The following ZFHX3 variants were observed in gnomAD, a reference collection of about 807,000 sequenced individuals.
The protein encoded by ZFHX3 is zinc finger homeobox protein 3.
In ZFHX3, 42 loss-of-function variants were observed where a neutral mutation model predicts 279.1. The observed-to-expected ratio is 0.15, with a 90% CI of 0.12 to 0.19. The LOEUF (loss-of-function observed/expected upper bound fraction) is 0.19. Ranked by LOEUF, ZFHX3 falls within the 10% of genes least tolerant of loss-of-function variation. The probability of loss-of-function intolerance (pLI) is 1.00; values close to 1 mark genes in which losing one functional copy is unlikely to be tolerated. For synonymous variants in ZFHX3, 2,293 were observed against 1,957.8 expected (o/e 1.17, Z -4.52); for missense variants, 4,981 against 4,754.0 (o/e 1.05, Z -1.40).
intron 5 of ZFHX3, among the ~76,000 whole-genome samples, chr16:73,155,979 T>C (rs1967071615): frequency 6.6e-6 from 1 of 152,082 alleles, no homozygotes; most frequent in Admixed American, 6.5e-5. Context: ...ACGCCTGTAA[T>C]CTCAGCACTT....
chr16:73,870,446 G>A (rs1567435595), intron 1 of ZFHX3, among the ~76,000 whole-genome samples: 1 of 152,268 alleles, frequency 6.6e-6, no homozygotes, highest in East Asian at 1.9e-4. Context: ...CCAAAACGAG[G>A]GCGGAAGGAG....
chr16:73,597,014 T>C (rs761284177), intron 2 of ZFHX3, among the ~76,000 whole-genome samples: 40 of 152,326 alleles, frequency 2.6e-4, no homozygotes, highest in Admixed American at 6.5e-4. Flanking sequence ...GTGTCCACAG[T>C]CTGTTCCACC....
intron 2 of ZFHX3, among the ~76,000 whole-genome samples, chr16:73,602,237 C>A (rs2052126398): frequency 6.6e-6 from 1 of 152,144 alleles, no homozygotes; most frequent in Non-Finnish European, 1.5e-5. Context: ...TGGGTTTTTT[C>A]TAAAATATTT....
chr16:73,250,759 C>T (rs2013462781), intron 5 of ZFHX3, among the ~76,000 whole-genome samples: 1 of 152,164 alleles, frequency 6.6e-6, no homozygotes, highest in Non-Finnish European at 1.5e-5. Context: ...TGGTCTCCAT[C>T]TCCTGACCTC....
chr16:73,493,224 A>G lies in ZFHX3; in HGVS notation c.-1546-36966T>C, dbSNP rs1315881120. ...ACTATGCATCACTTTCTTGCCATGA[A>G]CCTATCTGGTTCCCCTTTATCAGTA... is the stretch of plus-strand genomic sequence containing the variant. On this transcript the variant is annotated intron_variant, in intron 2 of 17. Coordinates refer to the ZFHX3 transcript ENST00000641206. 2.0e-5 allele frequency among the ~76,000 whole-genome samples: 3 copies of G among 152,214 alleles called. No individual in the cohort carries two copies. The South Asian group carries it at 6.2e-4, about 32-fold the overall frequency.
At chr16:73,443,683 G>C (rs1203365914) in intron 3 of ZFHX3, among the ~76,000 whole-genome samples, 2 of 151,870 alleles carry the variant, frequency 1.3e-5, no homozygotes, top group Non-Finnish European at 2.9e-5. Flanking sequence ...TCTCTCTATG[G>C]ATATGGAGAA....
chr16:72,885,837 A>G lies in ZFHX3; in HGVS notation c.3448+3894T>C, dbSNP rs1484708310. ...ACTTCCAACTCTAGACAGCACAGCC[A>G]TGGATGGGGAGCTTCTGGTCAGAGT... On this transcript the variant is annotated intron_variant, in intron 4 of 9. Coordinates refer to ENST00000268489, the MANE Select transcript of ZFHX3 (RefSeq NM_006885.4). 2.0e-5 allele frequency among the ~76,000 whole-genome samples: 3 copies of G among 152,348 alleles called. No individual in the cohort carries two copies. The East Asian group carries it at 5.8e-4, about 29-fold the overall frequency.
intron 1 of ZFHX3, among the ~76,000 whole-genome samples, chr16:73,846,713 G>A (rs1376455939): frequency 6.6e-6 from 1 of 152,046 alleles, no homozygotes. Flanking sequence ...TGGAAGCTCA[G>A]GCCTCTCATT....
At chr16:73,090,323 G>T (rs1966057451) in intron 8 of ZFHX3, among the ~76,000 whole-genome samples, 1 of 152,204 alleles carries the variant, frequency 6.6e-6, no homozygotes, top group Non-Finnish European at 1.5e-5. Context: ...AGCCTGGGAG[G>T]CGGAGGTTGC....
intron 4 of ZFHX3, among the ~76,000 whole-genome samples, chr16:73,290,903 A>C (rs964360380): frequency 1.6e-4 from 25 of 152,220 alleles, no homozygotes; most frequent in Admixed American, 1.6e-3. Flanking sequence ...TTTGGGAGCA[A>C]ATGGGAAATG....
At chr16:72,969,790 T>C (rs116710000) in intron 1 of ZFHX3, among the ~76,000 whole-genome samples, 1,779 of 152,306 alleles carry the variant, frequency 0.012, 28 homozygotes, top group African/African-American at 0.04. Context: ...ATAACAGTGT[T>C]TGTCTACTGC....
In ZFHX3 at chr16:73,784,810, T is replaced by TACAC. The variant is rs1329672942; in HGVS notation, c.-1607-104571_-1607-104570insGTGT. On this transcript the variant is annotated intron_variant, in intron 1 of 17. Transcript: ENST00000641206. ...ATAAAAAAAAAAATATATATATATATATATATACACACACACACACACACA... is the reference window on the plus strand; with the variant it reads ...ATAAAAAAAAAAATATATATATATATACACATATATACACACACACACACACACA... 4.3e-3 allele frequency among the ~76,000 whole-genome samples: 596 copies of TACAC among 137,820 alleles called. 4 individuals are homozygous for TACAC. The highest frequency in any genetic ancestry group is 0.016 in the African/African-American group (574 of 36,734). The allele number at this position is 137,820 out of a possible 152,430, so 90.4% of individuals were successfully genotyped here. A position where few individuals can be genotyped will look rare whatever the true frequency, so the allele number is the denominator to read the frequency against.
Position 72,950,701 on chromosome 16 carries a change from A to G in ZFHX3, c.2984T>C (p.Leu995Pro). ...GCAGTGCAGCTGGAAGTTGGCCTTG[A>G]GCTGGGTGTTGTAGCGGCAGAGCTT... ...QCKLCRYNTQLKANFQLHCKT... is the reference protein window; with the variant it reads ...QCKLCRYNTQPKANFQLHCKT... The change falls in exon 3 of 10, where the codon CTC becomes CCC. Residue 995 changes from leucine (L) to proline (P), a missense_variant. Physicochemically the swap from Leu to Pro is moderately conservative, Grantham distance 98 (BLOSUM62 -3). Around this residue, in one of 7 missense-constraint regions of ZFHX3, gnomAD observed 1,751 missense variants for 1,770.0 expected, o/e 0.99. Transcript: ENST00000268489. The G allele has an allele frequency of 6.2e-7, 1 of 1,614,158 alleles. No individual in the cohort carries two copies. Among genetic ancestry groups the G allele is most frequent in the Non-Finnish European group, 8.5e-7 (1 of 1,180,036 alleles).
chr16:73,364,327 T>C (rs1411446581), intron 3 of ZFHX3, among the ~76,000 whole-genome samples: 2 of 150,308 alleles, frequency 1.3e-5, no homozygotes, highest in Admixed American at 6.6e-5. Context: ...ATTTACATTT[T>C]ATAATAAATT....
intron 3 of ZFHX3, among the ~76,000 whole-genome samples, chr16:73,398,814 G>A (rs1364989062): frequency 6.6e-6 from 1 of 151,776 alleles, no homozygotes; most frequent in Non-Finnish European, 1.5e-5. Context: ...TCCATCCACT[G>A]TTGCTCTCTT....
chr16:73,511,316 TATC>T (rs2019425272), intron 2 of ZFHX3, among the ~76,000 whole-genome samples: 5 of 152,188 alleles, frequency 3.3e-5, no homozygotes, highest in Admixed American at 3.3e-4. Context: ...ACCTCACTCC[TATC>T]ATCTGAGATC....
At chr16:73,474,404 C>A (rs1414744625) in intron 2 of ZFHX3, among the ~76,000 whole-genome samples, 1 of 152,244 alleles carries the variant, frequency 6.6e-6, no homozygotes, top group Admixed American at 6.5e-5. Flanking sequence ...CCACCTTGGC[C>A]TCCCAAAGTG....
intron 3 of ZFHX3, among the ~76,000 whole-genome samples, chr16:73,376,410 C>A (rs577384135): frequency 1.3e-5 from 2 of 152,136 alleles, no homozygotes; most frequent in Admixed American, 6.5e-5. Flanking sequence ...TCACTCAGCT[C>A]GTCCGTAGAA....
At chr16:72,837,768 T>TA (rs958780351) in intron 4 of ZFHX3, among the ~76,000 whole-genome samples, 157 of 146,884 alleles carry the variant, frequency 1.1e-3, no homozygotes, top group East Asian at 1.8e-3. Context: ...CCCAAATAAT[T>TA]AAAAAAAAAA....
Sources: allele counts gnomAD v4.1 joint callset (sites outside exome capture counted in the v4.1 genomes callset), GRCh38; gene constraint gnomAD v4.1.1; regional missense constraint gnomAD v4.1.1; transcripts MANE v1.5; gene names NCBI Gene and HGNC (gene_info 2026-07-23, HGNC 2026-07-21).